ULK2: variants seen among roughly 807,000 people sequenced by gnomAD.
ULK2 encodes the protein unc-51 like autophagy activating kinase 2.
ULK2 carries 76 observed loss-of-function variants against 127.5 expected under a neutral mutation model. That is an observed-to-expected ratio of 0.60 (90% confidence interval 0.50 to 0.72). The LOEUF is 0.72. Ranked by LOEUF, ULK2 falls within the 30% of genes least tolerant of loss-of-function variation. ULK2 has a pLI of 0.00. For missense variants in ULK2, 1,144 were observed against 1,295.9 expected (o/e 0.88, Z 1.80); for synonymous variants, 452 against 461.9 (o/e 0.98, Z 0.28).
chr17:19,792,808 C>T (rs759251214), intron 20 of ULK2, among the ~76,000 whole-genome samples: 126 of 151,968 alleles, frequency 8.3e-4, no homozygotes, highest in Admixed American at 1.7e-3. Flanking sequence ...CATATGGAAA[C>T]TCAAGGCACC....
At position 19,777,669 on chromosome 17, in the gene ULK2, A is replaced by G; in HGVS notation, c.2964T>C (p.Ile988=). 1 of 1,614,090 alleles carries G rather than the reference A, an allele frequency of 6.2e-7. No individual in the cohort carries two copies. Among genetic ancestry groups the G allele is most frequent in the Non-Finnish European group, 8.5e-7 (1 of 1,180,014 alleles). ...LDEMFQQTED[I]VYRYHKAALL... is the part of the protein sequence containing the mutation. Reference sequence around the variant, plus strand: ...GGGCTGCCTTATGATAGCGATAAACAATATCTTCGGTCTGCTGAAACATCT... The same window carrying G: ...GGGCTGCCTTATGATAGCGATAAACGATATCTTCGGTCTGCTGAAACATCT... Residue 988 remains isoleucine, a synonymous_variant, in exon 26 of 27, where the codon ATT becomes ATC. Transcript: ENST00000395544.
chr17:19,778,473 AG>A (rs2086853677), intron 25 of ULK2, among the ~76,000 whole-genome samples: 1 of 152,210 alleles, frequency 6.6e-6, no homozygotes, highest in African/African-American at 2.4e-5. Context: ...CTCCAGAAAG[AG>A]GGGATGGTAG....
intron 14 of ULK2, among the ~76,000 whole-genome samples, chr17:19,809,908 G>GA (rs998258318): frequency 2.0e-5 from 3 of 150,788 alleles, no homozygotes; most frequent in Non-Finnish European, 4.4e-5. Context: ...CCATCTCAAA[G>GA]AAAAAAATAA....
Position 19,865,831 on chromosome 17 carries a change from GA to G in ULK2, c.91-4del. The G allele has an allele frequency of 6.5e-7, 1 of 1,528,876 alleles. No homozygotes were observed. Among genetic ancestry groups the G allele is most frequent in the Admixed American group, 1.8e-5 (1 of 54,326 alleles). The allele number at this position is 1,528,876 out of a possible 1,614,324, so 94.7% of individuals were successfully genotyped here. A position where few individuals can be genotyped will look rare whatever the true frequency, so the allele number is the denominator to read the frequency against. ...ATAGCTACCTCCCAATCAGTTTTCT[GA>G]AAAGGAAAAACAGTGTTACTCCTAG... On this transcript the variant is annotated splice_region_variant and splice_polypyrimidine_tract_variant and intron_variant, in intron 1 of 26. Coordinates refer to ENST00000395544, the MANE Select transcript of ULK2 (RefSeq NM_014683.4).
intron 24 of ULK2, 55 bp from the exon 25 acceptor site, chr17:19,780,684 A>G: frequency 6.5e-7 from 1 of 1,528,350 alleles, no homozygotes; most frequent in Non-Finnish European, 8.8e-7. Flanking sequence ...AAATAAAGAC[A>G]CAGTTATATG....
chr17:19,807,123 G>A (rs1014322246), intron 14 of ULK2, among the ~76,000 whole-genome samples: 1 of 152,196 alleles, frequency 6.6e-6, no homozygotes, highest in African/African-American at 2.4e-5. Context: ...ATGCATAAGA[G>A]CTCCTGTGAA....
At position 19,831,027 on chromosome 17, in the gene ULK2, T is replaced by TAAAAA. The variant is rs10658733; in HGVS notation, c.788-4846_788-4842dup. ...GGGTGACAGAGCAAGACTCCGTCGC[T>TAAAAA]AAAAAAAAAAAAAAAACTACCTGAG... On this transcript the variant is annotated intron_variant, in intron 10 of 26. Coordinates refer to ENST00000395544, the MANE Select transcript of ULK2 (RefSeq NM_014683.4). Among the ~76,000 whole-genome samples, 4 of 136,920 alleles carry TAAAAA rather than the reference T, an allele frequency of 2.9e-5. 1 individual carries two copies. The highest frequency in any genetic ancestry group is 3.1e-5 in the Non-Finnish European group (2 of 64,766). The allele number at this position is 136,920 out of a possible 152,430, so 89.8% of individuals were successfully genotyped here. A position where few individuals can be genotyped will look rare whatever the true frequency, so the allele number is the denominator to read the frequency against.
chr17:19,799,455 T>G, intron 17 of ULK2, 40 bp downstream of exon 17: 1 of 1,446,272 alleles, frequency 6.9e-7, no homozygotes, highest in Non-Finnish European at 9.2e-7. Context: ...CCATTTATAA[T>G]ACAATTCAAA....
At position 19,773,662 on chromosome 17, in the gene ULK2, G is replaced by A. The variant is rs2086767463; in HGVS notation, c.*2687C>T. 6.6e-6 allele frequency: 1 copy of A among 152,204 alleles called. No individual in the cohort carries two copies. Among genetic ancestry groups the A allele is most frequent in the Non-Finnish European group, 1.5e-5 (1 of 68,062 alleles). 9.4% of individuals were successfully genotyped at this position (152,204 alleles called of 1,614,324 possible). On this transcript the variant is annotated 3_prime_UTR_variant, in exon 27 of 27. Transcript: ENST00000395544. Reference sequence around the variant, plus strand: ...CAGCAGAGAGGCGAGCTGGAGGGAGGGATGGATGCTATCCTTCTCTGGACT... The same window carrying A: ...CAGCAGAGAGGCGAGCTGGAGGGAGAGATGGATGCTATCCTTCTCTGGACT...
intron 12 of ULK2, 114 bp from the exon 13 acceptor site, chr17:19,817,034 T>C (rs2041007291): frequency 1.1e-6 from 1 of 898,296 alleles, no homozygotes; most frequent in African/African-American, 1.8e-5. Flanking sequence ...TGAAGTCCAA[T>C]TCCATCTAAG....
In ULK2 at chr17:19,855,197, G is replaced by T. The variant is rs2042099075; in HGVS notation, c.226-5423C>A. Among the ~76,000 whole-genome samples the T allele has an allele frequency of 2.0e-5, 3 of 151,826 alleles. No individual in the cohort carries two copies. The South Asian group carries it at 6.2e-4, about 32-fold the overall frequency. On this transcript the variant is annotated intron_variant, in intron 3 of 26. Transcript: ENST00000395544. The stretch of plus-strand genomic sequence containing the variant: ...AGGCGGGTGGATCACAAGGTCAGGA[G>T]ATCGAGACCATCCTGGCTAACACTG...
chr17:19,825,974 G>A (rs188174415), intron 11 of ULK2, among the ~76,000 whole-genome samples, 165 bp downstream of exon 11: 60 of 64,436 alleles, frequency 9.3e-4, no homozygotes, highest in Admixed American at 2.1e-3. Context: ...CAACAAGAGC[G>A]AAACTCCATC....
rs1313838311 is a variant in ULK2, at chr17:19,776,808, GAA to G, written c.3053-403_3053-402del. 1.1e-4 allele frequency among the ~76,000 whole-genome samples: 17 copies of G among 152,278 alleles called. No homozygotes were observed. In the East Asian group the frequency reaches 2.7e-3, roughly 24 times the overall value. On this transcript the variant is annotated intron_variant, in intron 26 of 26. Coordinates refer to ENST00000395544, the MANE Select transcript of ULK2 (RefSeq NM_014683.4). ...ATCTATACCAAGTCTGCAGTACACA[GAA>G]GTTTCACAGGACTCTTTAGTCACTA...
chr17:19,795,374 T>C (rs972471451), intron 20 of ULK2, among the ~76,000 whole-genome samples: 1 of 26,974 alleles, frequency 3.7e-5, no homozygotes, highest in African/African-American at 1.4e-4. Context: ...AAAAAAAAAA[T>C]CTTCGTCAGA....
At chr17:19,814,438 A>ATATATATATATAT (rs1318303261) in intron 13 of ULK2, among the ~76,000 whole-genome samples, 1 of 23,330 alleles carries the variant, frequency 4.3e-5, no homozygotes, top group East Asian at 7.2e-4. Context: ...ATATATATAT[A>ATATATATATATAT]TTTTTTTTTT....
chr17:19,860,501 C>T (rs1348200681), intron 3 of ULK2, among the ~76,000 whole-genome samples: 3 of 150,932 alleles, frequency 2.0e-5, no homozygotes, highest in Non-Finnish European at 4.4e-5. Flanking sequence ...TAGCCAAATA[C>T]TTAAGACATT....
At chr17:19,808,737 C>A (rs1334500241) in intron 14 of ULK2, among the ~76,000 whole-genome samples, 1 of 152,218 alleles carries the variant, frequency 6.6e-6, no homozygotes, top group Non-Finnish European at 1.5e-5. Context: ...TATCACCTCA[C>A]ACTCATTAAT....
intron 3 of ULK2, among the ~76,000 whole-genome samples, chr17:19,858,002 A>G (rs954248437): frequency 6.6e-6 from 1 of 151,964 alleles, no homozygotes; most frequent in Non-Finnish European, 1.5e-5. Flanking sequence ...GTCTCTACAG[A>G]TATCATTTCC....
At chr17:19,801,635 A>C in intron 16 of ULK2, 142 bp downstream of exon 16, 2 of 1,048,762 alleles carry the variant, frequency 1.9e-6, no homozygotes, top group South Asian at 3.1e-5. Context: ...GGATTGGGGT[A>C]AAGATGGAGG....
Sources: gnomAD v4.1 joint callset for allele counts (sites outside exome capture counted in the v4.1 genomes callset) on GRCh38, gnomAD v4.1.1 for gene constraint, MANE v1.5 for transcripts, NCBI Gene and HGNC (gene_info 2026-07-23, HGNC 2026-07-21) for gene names.